The following PITPNM2 variants were observed in gnomAD, a reference collection of about 807,000 sequenced individuals.
PITPNM2 encodes the protein membrane-associated phosphatidylinositol transfer protein 2.
Under a neutral mutation model 132.2 loss-of-function variants are expected in PITPNM2, and 35 were observed. The observed-to-expected ratio is 0.26, with a 90% confidence interval of 0.20 to 0.35. The LOEUF is 0.35. Among genes scored for constraint, PITPNM2 ranks in the 10% least tolerant of loss-of-function variants. The pLI is 1.00. For missense variants in PITPNM2, 1,332 were observed against 1,912.0 expected (o/e 0.70, Z 5.66); for synonymous variants, 738 against 799.2 (o/e 0.92, Z 1.29).
In PITPNM2 at chr12:123,004,266, T is replaced by C; in HGVS notation, c.1048+128A>G. On this transcript the variant is annotated intron_variant, in intron 8 of 25. Transcript: ENST00000320201. This position sits in a 1 kb window ranked among gnomAD's most constrained non-coding sequence, Gnocchi z 4.9. Reference sequence around the variant, plus strand: ...CTGTCCACCTGGGACAGTGCAGGTATAGGGACTGGATATAGAATAGTAACA... The same window carrying C: ...CTGTCCACCTGGGACAGTGCAGGTACAGGGACTGGATATAGAATAGTAACA... 4 of 825,698 alleles carry C rather than the reference T, an allele frequency of 4.8e-6. No individual in the cohort carries two copies. The highest frequency in any genetic ancestry group is 7.9e-6 in the Non-Finnish European group (4 of 507,930). 51.1% of individuals were successfully genotyped at this position (825,698 alleles called of 1,614,324 possible).
At chr12:123,126,061 G>A (rs2043135475) in intron 1 of PITPNM2, among the ~76,000 whole-genome samples, 1 of 151,302 alleles carries the variant, frequency 6.6e-6, no homozygotes, top group African/African-American at 2.4e-5. Context: ...AGTAGAGACA[G>A]GGTTTCACTG....
chr12:122,987,123 A>C (rs2037970169), intron 23 of PITPNM2, among the ~76,000 whole-genome samples, 158 bp downstream of exon 23: 1 of 152,188 alleles, frequency 6.6e-6, no homozygotes, highest in Non-Finnish European at 1.5e-5. Flanking sequence ...ACGGCTAATA[A>C]TTGGGGGTGC....
In PITPNM2 at chr12:123,087,616, C is replaced by CT. The variant is rs756211255; in HGVS notation, c.-96+22768dup. On this transcript the variant is annotated intron_variant, in intron 2 of 25. Coordinates refer to ENST00000320201, the MANE Select transcript of PITPNM2 (RefSeq NM_020845.3). ...CTTAGGCTGCTGCAATACAGAATTTCTTTTTTTTCTTTTTTTTTTAGAGAC... is the reference window on the plus strand; with the variant it reads ...CTTAGGCTGCTGCAATACAGAATTTCTTTTTTTTTCTTTTTTTTTTAGAGAC... 4.0e-3 allele frequency: 604 copies of CT among 151,936 alleles called. 3 individuals are homozygous for CT. The highest frequency in any genetic ancestry group is 6.8e-3 in the Middle Eastern group (2 of 294). The allele number at this position is 151,936 out of a possible 1,614,324, so 9.4% of individuals were successfully genotyped here. A position where few individuals can be genotyped will look rare whatever the true frequency, so the allele number is the denominator to read the frequency against.
Position 122,988,784 on chromosome 12 carries a change from A to G in PITPNM2, c.2820T>C (p.Pro940=). ...ALTAFPTVAL[P]HLFHASYWES... ...CCCAGTAGCTGGCGTGGAAGAGGTG[A>G]GGCAGAGCCACCGTGGGGAAGGCCG... The change falls in exon 19 of 26, where the codon CCT becomes CCC. Residue 940 remains proline, a synonymous_variant. Coordinates refer to ENST00000320201, the MANE Select transcript of PITPNM2 (RefSeq NM_020845.3). The G allele has an allele frequency of 6.3e-7, 1 of 1,582,134 alleles. No individual in the cohort carries two copies. Among genetic ancestry groups the G allele is most frequent in the Non-Finnish European group, 8.6e-7 (1 of 1,164,156 alleles).
In PITPNM2 at chr12:123,004,268, G is replaced by A; in HGVS notation, c.1048+126C>T. On this transcript the variant is annotated intron_variant, in intron 8 of 25. Transcript: ENST00000320201. The surrounding 1 kb of genome is among the most constrained non-coding windows in gnomAD (Gnocchi z 4.9). ...GTCCACCTGGGACAGTGCAGGTATA[G>A]GGACTGGATATAGAATAGTAACAGG... 1.2e-6 allele frequency: 1 copy of A among 842,190 alleles called. No homozygotes were observed. The highest frequency in any genetic ancestry group is 1.9e-6 in the Non-Finnish European group (1 of 521,918). 52.2% of individuals were successfully genotyped at this position (842,190 alleles called of 1,614,324 possible).
intron 2 of PITPNM2, among the ~76,000 whole-genome samples, chr12:123,093,295 A>T (rs938111679): frequency 2.0e-5 from 3 of 152,180 alleles, no homozygotes; most frequent in Non-Finnish European, 4.4e-5. Context: ...AAAAACCTTT[A>T]TTTATTTTTA....
In PITPNM2 at chr12:123,000,655, C is replaced by T. The variant is rs2038619703; in HGVS notation, c.1224+123G>A. The T allele has an allele frequency of 7.4e-6, 8 of 1,079,252 alleles. No homozygotes were observed. The highest frequency in any genetic ancestry group is 1.1e-5 in the Non-Finnish European group (8 of 735,568). The allele number at this position is 1,079,252 out of a possible 1,614,324, so 66.9% of individuals were successfully genotyped here. A position where few individuals can be genotyped will look rare whatever the true frequency, so the allele number is the denominator to read the frequency against. On this transcript the variant is annotated intron_variant, in intron 10 of 25. Transcript: ENST00000320201. The surrounding 1 kb of genome is among the most constrained non-coding windows in gnomAD (Gnocchi z 5.4). ...GGCCTCTCCCCAGACAGTACCCAGG[C>T]AGGCGTGGAGGTGAGGCTGCCAGGC... is the stretch of plus-strand genomic sequence containing the variant.
At chr12:123,050,019 C>T (rs1223566564) in intron 2 of PITPNM2, among the ~76,000 whole-genome samples, 7 of 152,248 alleles carry the variant, frequency 4.6e-5, no homozygotes, top group South Asian at 2.1e-4. Context: ...GAATAGTGCA[C>T]GCTCCCTGCC....
chr12:123,029,406 C>T (rs1232072265), intron 3 of PITPNM2, among the ~76,000 whole-genome samples: 3 of 152,180 alleles, frequency 2.0e-5, no homozygotes, highest in East Asian at 1.9e-4. Flanking sequence ...GCCAACATGG[C>T]GAAAGCCCAT....
Position 123,036,836 on chromosome 12 carries a change from C to G in PITPNM2, c.-95-2151G>C, listed in dbSNP as rs369469839. 2.2e-4 allele frequency among the ~76,000 whole-genome samples: 34 copies of G among 152,284 alleles called. No homozygotes were observed. In the South Asian group the frequency reaches 6.8e-3, roughly 31 times the overall value. ...AGGCCCTGCTATATCCATAAGGACT[C>G]TTGCTAGGAGGGGCTTCCCCTCTCC... On this transcript the variant is annotated intron_variant, in intron 2 of 25. Coordinates refer to ENST00000320201, the MANE Select transcript of PITPNM2 (RefSeq NM_020845.3). The surrounding 1 kb of genome is among the most constrained non-coding windows in gnomAD (Gnocchi z 4.1).
At chr12:123,113,499 A>C (rs910703595) in intron 1 of PITPNM2, among the ~76,000 whole-genome samples, 2 of 152,216 alleles carry the variant, frequency 1.3e-5, no homozygotes, top group Non-Finnish European at 2.9e-5. Flanking sequence ...CAGGAGTTCA[A>C]GACAAGCCTG....
At chr12:123,043,245 T>G (rs1419070318) in intron 2 of PITPNM2, among the ~76,000 whole-genome samples, 2 of 151,806 alleles carry the variant, frequency 1.3e-5, no homozygotes, top group African/African-American at 4.8e-5. Context: ...ACTCCCAGCT[T>G]CTCCCTCCAC....
At chr12:122,995,694 G>A (rs2038398316) in intron 13 of PITPNM2, 34 bp from the exon 14 acceptor site, 2 of 1,544,052 alleles carry the variant, frequency 1.3e-6, no homozygotes, top group African/African-American at 2.7e-5. Flanking sequence ...ACTGCCAGGT[G>A]GCCGCTGGCC....
rs184384946 is a variant in PITPNM2, at chr12:123,101,928, G to A, written c.-96+8457C>T. On this transcript the variant is annotated intron_variant, in intron 2 of 25. Coordinates refer to ENST00000320201, the MANE Select transcript of PITPNM2 (RefSeq NM_020845.3). ...AAAAAATTAGCTGGGTGTGGTGTGC[G>A]TCTGTGACATGCAAGTTCGAGACTG... Among the ~76,000 whole-genome samples the A allele has an allele frequency of 2.1e-3, 327 of 152,264 alleles. 1 individual carries two copies. Among genetic ancestry groups the A allele is most frequent in the Non-Finnish European group, 4.0e-3 (273 of 68,024 alleles).
At position 123,000,283 on chromosome 12, in the gene PITPNM2, C is replaced by A. The variant is rs1185924485; in HGVS notation, c.1224+495G>T. On this transcript the variant is annotated intron_variant, in intron 10 of 25. Transcript: ENST00000320201. The surrounding 1 kb of genome is among the most constrained non-coding windows in gnomAD (Gnocchi z 5.4). Reference sequence around the variant, plus strand: ...TGGGGCATGAACTCCCACAGAGAACCCCCGAAGCGGATACAGGCGCTCTAC... The same window carrying A: ...TGGGGCATGAACTCCCACAGAGAACACCCGAAGCGGATACAGGCGCTCTAC... 1 of 629,118 alleles carries A rather than the reference C, an allele frequency of 1.6e-6. No homozygotes were observed. The highest frequency in any genetic ancestry group is 2.9e-6 in the Non-Finnish European group (1 of 350,842). The allele number at this position is 629,118 out of a possible 1,614,324, so 39.0% of individuals were successfully genotyped here. A position where few individuals can be genotyped will look rare whatever the true frequency, so the allele number is the denominator to read the frequency against.
In PITPNM2 at chr12:122,996,442, G is replaced by T; in HGVS notation, c.1782+16C>A. 1.9e-6 allele frequency: 3 copies of T among 1,612,642 alleles called. No individual in the cohort carries two copies. The highest frequency in any genetic ancestry group is 1.1e-5 in the South Asian group (1 of 91,064). On this transcript the variant is annotated intron_variant, in intron 13 of 25. Coordinates refer to ENST00000320201, the MANE Select transcript of PITPNM2 (RefSeq NM_020845.3). Reference sequence around the variant, plus strand: ...GCTTCAGGCCTTGGGGACTGTCTGGGCCCCCACTTGGGTACCTGCATGCTG... The same window carrying T: ...GCTTCAGGCCTTGGGGACTGTCTGGTCCCCCACTTGGGTACCTGCATGCTG...
intron 5 of PITPNM2, among the ~76,000 whole-genome samples, chr12:123,011,702 G>A (rs142724336): frequency 3.9e-3 from 591 of 152,258 alleles, no homozygotes; most frequent in Non-Finnish European, 6.4e-3. Flanking sequence ...TGTGACGAAC[G>A]AGGCAGAGAT....
intron 2 of PITPNM2, among the ~76,000 whole-genome samples, chr12:123,085,881 A>G (rs2042097633): frequency 6.6e-6 from 1 of 152,184 alleles, no homozygotes; most frequent in African/African-American, 2.4e-5. Flanking sequence ...CCTTCAGAGA[A>G]GGGCTCTTTG....
chr12:123,088,669 CAG>C (rs902289436), intron 2 of PITPNM2: 7 of 152,138 alleles, frequency 4.6e-5, no homozygotes, highest in Non-Finnish European at 7.3e-5. Context: ...TCCCCAGGCC[CAG>C]AGAGTTTTAT....
Sources: allele counts gnomAD v4.1 joint callset (sites outside exome capture counted in the v4.1 genomes callset), GRCh38; gene constraint gnomAD v4.1.1; non-coding constraint Gnocchi (gnomAD v3.1); transcripts MANE v1.5; gene names NCBI Gene and HGNC (gene_info 2026-07-23, HGNC 2026-07-21).